CSMD1: variants seen among roughly 807,000 people sequenced by gnomAD.
CSMD1 encodes the protein CUB and Sushi multiple domains 1.
A neutral mutation model predicts 417.5 loss-of-function variants in CSMD1; 213 were observed. That is an observed-to-expected ratio of 0.51 (90% CI 0.46 to 0.57). The LOEUF (loss-of-function observed/expected upper bound fraction) is 0.57. Ranked by LOEUF, CSMD1 falls within the 20% of genes least tolerant of loss-of-function variation. CSMD1 has a pLI of 0.00. For synonymous variants in CSMD1, 2,862 were observed against 1,736.8 expected, an observed-to-expected ratio of 1.65 and a Z score of -16.11; for missense variants, 6,923 against 4,529.7, an observed-to-expected ratio of 1.53 and a Z score of -15.17.
rs1810656514 is a variant in CSMD1 at position 3,938,537 on chromosome 8, G to A, written c.818+59366C>T. Among the ~76,000 whole-genome samples, 5 of 152,136 alleles carry A rather than the reference G, an allele frequency of 3.3e-5. No homozygotes were observed. In the South Asian group the frequency reaches 1.0e-3, roughly 32 times the overall value. ...CAATGGACAGACTCTGTTGGGGGATGATTTGAGAGGACCGATGCTACCAAT... is the reference window on the plus strand; with the variant it reads ...CAATGGACAGACTCTGTTGGGGGATAATTTGAGAGGACCGATGCTACCAAT... On this transcript the variant is annotated intron_variant, in intron 5 of 69. Coordinates refer to ENST00000635120, the MANE Select transcript of CSMD1 (RefSeq NM_033225.6).
intron 2 of CSMD1, among the ~76,000 whole-genome samples, chr8:4,633,135 A>G (rs1008414924): frequency 7.9e-5 from 12 of 152,170 alleles, no homozygotes; most frequent in African/African-American, 1.9e-4. Flanking sequence ...GCATTGGTCT[A>G]TGTGAACGCT....
chr8:3,314,310 C>T (rs1217637709), intron 23 of CSMD1, among the ~76,000 whole-genome samples: 1 of 152,100 alleles, frequency 6.6e-6, no homozygotes, highest in Non-Finnish European at 1.5e-5. Context: ...CAAAGATATT[C>T]TTCCAAATAG....
intron 6 of CSMD1, among the ~76,000 whole-genome samples, chr8:3,746,496 G>A (rs13277512): frequency 6.6e-6 from 1 of 151,888 alleles, no homozygotes; most frequent in African/African-American, 2.4e-5. Context: ...ATATTTCAGA[G>A]ACACAACTTT....
At chr8:4,697,386 G>A (rs1158790510) in intron 1 of CSMD1, among the ~76,000 whole-genome samples, 1 of 151,966 alleles carries the variant, frequency 6.6e-6, no homozygotes, top group Admixed American at 6.6e-5. Flanking sequence ...ATTTTAAGTG[G>A]CTACTTTACA....
chr8:3,525,544 G>C (rs1797719684), intron 10 of CSMD1, among the ~76,000 whole-genome samples: 3 of 152,144 alleles, frequency 2.0e-5, no homozygotes, highest in Admixed American at 6.5e-5. Flanking sequence ...ATTGGTGAAA[G>C]CGATTGCCTC....
At chr8:3,539,964 T>G (rs1798369475) in intron 10 of CSMD1, among the ~76,000 whole-genome samples, 2 of 152,182 alleles carry the variant, frequency 1.3e-5, no homozygotes, top group African/African-American at 4.8e-5. Flanking sequence ...GTAGCTAGTT[T>G]GAGAAACAGT....
At chr8:4,210,928 G>A (rs1031914987) in intron 3 of CSMD1, among the ~76,000 whole-genome samples, 10 of 152,110 alleles carry the variant, frequency 6.6e-5, no homozygotes, top group South Asian at 6.2e-4. Flanking sequence ...TGAAAAACTC[G>A]ATTGTCTGGA....
intron 7 of CSMD1, among the ~76,000 whole-genome samples, chr8:3,656,131 T>C (rs1031595589): frequency 6.6e-6 from 1 of 152,162 alleles, no homozygotes; most frequent in East Asian, 1.9e-4. Context: ...GTGAACTCAT[T>C]GGGGCGAAAG....
intron 3 of CSMD1, among the ~76,000 whole-genome samples, chr8:4,045,846 A>G (rs779540076): frequency 1.3e-5 from 2 of 151,822 alleles, no homozygotes; most frequent in Admixed American, 6.6e-5. Flanking sequence ...TTTCTTTCAG[A>G]CTCTGGCACT....
At chr8:4,070,860 T>A (rs74401270) in intron 3 of CSMD1, among the ~76,000 whole-genome samples, 10,386 of 152,306 alleles carry the variant, frequency 0.068, 611 homozygotes, top group East Asian at 0.28. Flanking sequence ...AATGTCTAGG[T>A]TGACAGTTCC....
chr8:3,406,224 G>C lies in CSMD1; in HGVS notation c.2072-3C>G, dbSNP rs1183480099. On this transcript the variant is annotated splice_region_variant and splice_polypyrimidine_tract_variant and intron_variant, in intron 14 of 69. Coordinates refer to ENST00000635120, the MANE Select transcript of CSMD1 (RefSeq NM_033225.6). ...ATGGCACTCATTCTGACCAAATGCT[G>C]AAAGAAAAAGAAGAAGAAAAAAGGA... The C allele has an allele frequency of 2.5e-6, 4 of 1,573,580 alleles. No homozygotes were observed. The South Asian group carries it at 3.5e-5, about 14-fold the overall frequency.
intron 5 of CSMD1, among the ~76,000 whole-genome samples, chr8:3,866,457 G>C (rs1219753368): frequency 6.6e-6 from 1 of 152,148 alleles, no homozygotes; most frequent in Non-Finnish European, 1.5e-5. Context: ...TAAATAGTGT[G>C]TGCTTGTGAT....
intron 1 of CSMD1, among the ~76,000 whole-genome samples, chr8:4,888,779 A>C (rs1418932441): frequency 1.3e-5 from 2 of 152,104 alleles, no homozygotes; most frequent in African/African-American, 4.8e-5. Flanking sequence ...ATTTCCAAAA[A>C]TCACAGGACA....
At chr8:4,278,356 A>C (rs535556215) in intron 3 of CSMD1, among the ~76,000 whole-genome samples, 71 of 152,340 alleles carry the variant, frequency 4.7e-4, no homozygotes, top group African/African-American at 1.5e-3. Flanking sequence ...TAAAATTCAT[A>C]AGGAAACTGA....
At chr8:4,588,084 A>G (rs557310613) in intron 2 of CSMD1, among the ~76,000 whole-genome samples, 1 of 152,304 alleles carries the variant, frequency 6.6e-6, no homozygotes, top group East Asian at 1.9e-4. Context: ...CATGTTCAGT[A>G]TTCTAAAATG....
chr8:3,344,186 C>A (rs997373077), intron 22 of CSMD1, among the ~76,000 whole-genome samples: 1 of 152,148 alleles, frequency 6.6e-6, no homozygotes, highest in Non-Finnish European at 1.5e-5. Context: ...AGTGGGGAGA[C>A]AGGTCACATG....
rs76584596 is a variant in CSMD1 at position 3,965,043 on chromosome 8, G to C, written c.818+32860C>G. ...GTGATAGTTTCTACACAATGTGCTTGTAAATATTGAGATAAAATCCATAAA... is the reference window on the plus strand; with the variant it reads ...GTGATAGTTTCTACACAATGTGCTTCTAAATATTGAGATAAAATCCATAAA... On this transcript the variant is annotated intron_variant, in intron 5 of 69. Coordinates refer to ENST00000635120, the MANE Select transcript of CSMD1 (RefSeq NM_033225.6). Among the ~76,000 whole-genome samples the C allele has an allele frequency of 9.8e-3, 1,497 of 152,284 alleles. 23 individuals carry two copies. The highest frequency in any genetic ancestry group is 0.034 in the African/African-American group (1,404 of 41,542).
chr8:4,971,943 ACAT>A (rs916265152), intron 1 of CSMD1, among the ~76,000 whole-genome samples: 6 of 152,070 alleles, frequency 3.9e-5, no homozygotes, highest in African/African-American at 9.7e-5. Flanking sequence ...TTGGGAGCAA[ACAT>A]CATGCATTTG....
intron 5 of CSMD1, among the ~76,000 whole-genome samples, chr8:3,918,893 G>C (rs775868967): frequency 1.3e-5 from 2 of 151,802 alleles, no homozygotes; most frequent in Non-Finnish European, 2.9e-5. Context: ...AATAGGAAGG[G>C]GGTGAAGGAT....
Sources: allele counts gnomAD v4.1 joint callset (sites outside exome capture counted in the v4.1 genomes callset), GRCh38; gene constraint gnomAD v4.1.1; transcripts MANE v1.5; gene names NCBI Gene and HGNC (gene_info 2026-07-23, HGNC 2026-07-21).